The following CCDC171 variants were observed in gnomAD, a reference collection of about 807,000 sequenced individuals.
The protein encoded by CCDC171 is coiled-coil domain-containing protein 171.
CCDC171 carries 177 observed loss-of-function variants against 168.2 expected under a neutral mutation model. That is an observed-to-expected ratio of 1.05 (90% CI 0.93 to 1.19). CCDC171 has a LOEUF of 1.19. CCDC171 is among the 50% of genes most tolerant of loss of function. CCDC171 has a pLI of 0.00. For missense variants in CCDC171, 1,991 were observed against 1,539.0 expected, an observed-to-expected ratio of 1.29 and a Z score of -4.91; for synonymous variants, 687 against 540.8, an observed-to-expected ratio of 1.27 and a Z score of -3.75.
chr9:15,684,069 A>G (rs1410415478), intron 10 of CCDC171, among the ~76,000 whole-genome samples: 1 of 152,132 alleles, frequency 6.6e-6, no homozygotes, highest in Non-Finnish European at 1.5e-5. Flanking sequence ...AAAGCTACTC[A>G]GACCTCCTTA....
chr9:15,676,770 T>G (rs2049603810), intron 9 of CCDC171, among the ~76,000 whole-genome samples: 1 of 152,144 alleles, frequency 6.6e-6, no homozygotes, highest in Admixed American at 6.6e-5. Context: ...TTTTTCATAG[T>G]TCAGCTGGCC....
At chr9:16,076,353 T>G in the CCDC171 span, among the ~76,000 whole-genome samples, 3 of 152,224 alleles carry the variant, frequency 2.0e-5, no homozygotes, top group Admixed American at 6.5e-5. Flanking sequence ...CACCATGTAT[T>G]TAGTCAACCA....
intron 3 of CCDC171, among the ~76,000 whole-genome samples, chr9:15,997,198 G>A (rs1832401813): frequency 6.6e-6 from 1 of 152,190 alleles, no homozygotes; most frequent in Admixed American, 6.5e-5. Context: ...GACAGAGAGA[G>A]AGACTCAAAC....
At chr9:15,708,202 A>G (rs2052391001) in intron 11 of CCDC171, among the ~76,000 whole-genome samples, 1 of 152,234 alleles carries the variant, frequency 6.6e-6, no homozygotes, top group African/African-American at 2.4e-5. Context: ...TGATTTGCAA[A>G]CAATCAAGTT....
chr9:15,729,799 GTATGC>G lies in CCDC171; in HGVS notation c.2049+4_2049+8del, dbSNP rs1270012044. On this transcript the variant is annotated splice_donor_variant and splice_donor_5th_base_variant and intron_variant, in intron 16 of 25. Transcript: ENST00000380701. LOFTEE classifies it high-confidence loss of function. The stretch of plus-strand genomic sequence containing the variant: ...CCTGGAGGTGCAGAAGAGGGCACAG[GTATGC>G]TACCTTTACAAAGAGCTTTAAAAAA... The G allele has an allele frequency of 1.3e-6, 2 of 1,597,848 alleles. No individual in the cohort carries two copies. The highest frequency in any genetic ancestry group is 1.7e-6 in the Non-Finnish European group (2 of 1,171,004).
chr9:15,920,060 C>G (rs1348011314), intron 24 of CCDC171, among the ~76,000 whole-genome samples: 6 of 151,612 alleles, frequency 4.0e-5, no homozygotes, highest in Non-Finnish European at 5.9e-5. Flanking sequence ...AATAAATACT[C>G]TGGAATGAAG....
chr9:15,605,127 G>C (rs1309716734), intron 6 of CCDC171, among the ~76,000 whole-genome samples: 1 of 151,858 alleles, frequency 6.6e-6, no homozygotes, highest in Non-Finnish European at 1.5e-5. Flanking sequence ...GAATTCCTGG[G>C]CTCAAGTGAT....
chr9:15,907,951 T>C (rs953447022), intron 24 of CCDC171, among the ~76,000 whole-genome samples: 1 of 152,032 alleles, frequency 6.6e-6, no homozygotes, highest in Non-Finnish European at 1.5e-5. Flanking sequence ...AAAACCACAA[T>C]GAGATACCAT....
At chr9:15,675,628 A>G (rs1341830962) in intron 9 of CCDC171, among the ~76,000 whole-genome samples, 1 of 152,144 alleles carries the variant, frequency 6.6e-6, no homozygotes, top group Non-Finnish European at 1.5e-5. Context: ...TCCTTCACTT[A>G]TGAAGTTTAG....
intron 11 of CCDC171, among the ~76,000 whole-genome samples, chr9:15,706,252 C>CCTTT (rs1206010806): frequency 2.0e-5 from 3 of 148,328 alleles, no homozygotes; most frequent in African/African-American, 7.4e-5. Context: ...TTGCTTCCTT[C>CCTTT]CTTCCTTCCT....
intron 5 of CCDC171, 71 bp downstream of exon 5, chr9:15,591,627 G>A: frequency 1.1e-6 from 1 of 872,946 alleles, no homozygotes; most frequent in Non-Finnish European, 1.7e-6. Flanking sequence ...ATTACTTGAA[G>A]TTATCCTGGA....
At chr9:15,625,000 T>C (rs934057047) in intron 7 of CCDC171, among the ~76,000 whole-genome samples, 1 of 152,204 alleles carries the variant, frequency 6.6e-6, no homozygotes, top group Non-Finnish European at 1.5e-5. Context: ...TTTTAATGAT[T>C]GCCATTCTAA....
At chr9:16,029,347 C>T (rs1833329335) in intron 6 of CCDC171, among the ~76,000 whole-genome samples, 1 of 152,184 alleles carries the variant, frequency 6.6e-6, no homozygotes, top group Non-Finnish European at 1.5e-5. Flanking sequence ...CCTGATGTTC[C>T]CTCCTGGTTG....
intron 7 of CCDC171, among the ~76,000 whole-genome samples, chr9:15,632,690 C>T (rs1284083605): frequency 7.9e-5 from 12 of 152,042 alleles, no homozygotes; most frequent in Non-Finnish European, 1.3e-4. Flanking sequence ...TCATATGGAA[C>T]CAAAAAAGAG....
chr9:15,632,768 A>G lies in CCDC171; in HGVS notation c.822+9355A>G, dbSNP rs2045838517. Among the ~76,000 whole-genome samples, 3 of 152,222 alleles carry G rather than the reference A, an allele frequency of 2.0e-5. No homozygotes were observed. In the South Asian group the frequency reaches 6.2e-4, roughly 31 times the overall value. ...GAGACATCATGCTACCTGACTTCAA[A>G]CTATACTACAAGGCTACAGTAACCA... On this transcript the variant is annotated intron_variant, in intron 7 of 25. Transcript: ENST00000380701.
intron 3 of CCDC171, among the ~76,000 whole-genome samples, chr9:15,982,310 A>G (rs1831823595): frequency 6.6e-6 from 1 of 152,168 alleles, no homozygotes; most frequent in Non-Finnish European, 1.5e-5. Flanking sequence ...GTATTCACTC[A>G]CCAGCTGTGT....
At chr9:15,579,084 C>T (rs564998175) in intron 4 of CCDC171, 61 bp downstream of exon 4, 48 of 1,351,798 alleles carry the variant, frequency 3.6e-5, no homozygotes, top group Middle Eastern at 2.0e-4. Flanking sequence ...TATCACTCCT[C>T]GCTGTTGTGT....
chr9:16,012,321 G>C (rs1017630690), intron 3 of CCDC171, among the ~76,000 whole-genome samples: 1 of 151,938 alleles, frequency 6.6e-6, no homozygotes, highest in Non-Finnish European at 1.5e-5. Context: ...ATCTGGGCAC[G>C]GTTCTTCTAC....
chr9:15,753,572 A>T (rs1045575745), intron 18 of CCDC171, among the ~76,000 whole-genome samples: 2 of 152,134 alleles, frequency 1.3e-5, no homozygotes, highest in Non-Finnish European at 2.9e-5. Flanking sequence ...TAAAATATTG[A>T]CACAATAATT....
Sources: gnomAD v4.1 joint callset for allele counts (sites outside exome capture counted in the v4.1 genomes callset) on GRCh38, gnomAD v4.1.1 for gene constraint, MANE v1.5 for transcripts, NCBI Gene and HGNC (gene_info 2026-07-23, HGNC 2026-07-21) for gene names.